The following ANKS1B variants were observed in gnomAD, a reference collection of about 807,000 sequenced individuals.
ANKS1B encodes the protein ankyrin repeat and sterile alpha motif domain containing 1B, also known as ankyrin repeat and sterile alpha motif domain-containing protein 1B.
ANKS1B carries 36 observed loss-of-function variants against 148.3 expected under a neutral mutation model. The ratio of observed to expected loss-of-function variants is 0.24; its 90% CI spans 0.19 to 0.32. The LOEUF is 0.32. Among genes scored for constraint, ANKS1B ranks in the 10% least tolerant of loss-of-function variants. The pLI is 1.00. For missense variants in ANKS1B, 1,157 were observed against 1,542.6 expected, an observed-to-expected ratio of 0.75 and a Z score of 4.19; for synonymous variants, 542 against 560.8, an observed-to-expected ratio of 0.97 and a Z score of 0.47.
chr12:99,912,926 T>C (rs2094052027), intron 1 of ANKS1B, among the ~76,000 whole-genome samples: 1 of 152,178 alleles, frequency 6.6e-6, no homozygotes, highest in South Asian at 2.1e-4. Flanking sequence ...AGAAATTAAA[T>C]TAGTTAGGCA....
At chr12:99,561,646 T>C (rs182982013) in intron 9 of ANKS1B, among the ~76,000 whole-genome samples, 92 of 152,242 alleles carry the variant, frequency 6.0e-4, no homozygotes, top group Non-Finnish European at 9.4e-4. Flanking sequence ...CAATTCCTCA[T>C]CTGTTCAAGT....
chr12:99,676,731 G>A (rs1001338458), intron 8 of ANKS1B, among the ~76,000 whole-genome samples: 22 of 152,172 alleles, frequency 1.4e-4, no homozygotes, highest in African/African-American at 4.8e-4. Flanking sequence ...TTCCAGAAAT[G>A]TTAAAATAAC....
chr12:99,958,148 CACAAGGG>C (rs1237601815), intron 1 of ANKS1B, among the ~76,000 whole-genome samples: 1 of 152,002 alleles, frequency 6.6e-6, no homozygotes, highest in African/African-American at 2.4e-5. Context: ...TCACTGAGCA[CACAAGGG>C]AAAGACGGAC....
chr12:99,482,161 T>A (rs1310905527), intron 10 of ANKS1B, among the ~76,000 whole-genome samples: 4 of 151,886 alleles, frequency 2.6e-5, no homozygotes, highest in African/African-American at 9.7e-5. Flanking sequence ...TACAGTTTCA[T>A]GTCATATATT....
intron 1 of ANKS1B, among the ~76,000 whole-genome samples, chr12:99,861,632 A>C (rs1259628062): frequency 6.6e-6 from 1 of 152,182 alleles, no homozygotes; most frequent in Non-Finnish European, 1.5e-5. Flanking sequence ...TCACAAGCCC[A>C]AAAGCTCTGA....
chr12:99,797,440 C>T (rs1486665978), intron 4 of ANKS1B, among the ~76,000 whole-genome samples: 7 of 151,832 alleles, frequency 4.6e-5, no homozygotes, highest in African/African-American at 1.7e-4. Context: ...AGGAAGTCTA[C>T]AAAGAAACAA....
chr12:98,830,775 T>C (rs1487305647), intron 18 of ANKS1B, among the ~76,000 whole-genome samples: 1 of 152,208 alleles, frequency 6.6e-6, no homozygotes. Context: ...AAAGTTCTTG[T>C]AGGACTCATG....
intron 8 of ANKS1B, 134 bp downstream of exon 8, chr12:99,772,788 G>T: frequency 1.1e-6 from 1 of 934,468 alleles, no homozygotes; most frequent in Non-Finnish European, 1.5e-6. Context: ...AGAACGTCAG[G>T]AAAAGAGCAA....
intron 14 of ANKS1B, among the ~76,000 whole-genome samples, chr12:99,225,700 G>A (rs188211053): frequency 6.6e-6 from 1 of 152,208 alleles, no homozygotes; most frequent in Admixed American, 6.5e-5. Flanking sequence ...CAGACTCCAG[G>A]TTCTTCAGCT....
chr12:99,092,093 C>T (rs1020181523), intron 15 of ANKS1B, among the ~76,000 whole-genome samples: 9 of 151,890 alleles, frequency 5.9e-5, no homozygotes, highest in African/African-American at 9.7e-5. Context: ...TGCTCCAGTC[C>T]TTTCTGTTCA....
intron 24 of ANKS1B, among the ~76,000 whole-genome samples, chr12:98,775,068 C>T (rs2098655909): frequency 6.6e-6 from 1 of 152,176 alleles, no homozygotes; most frequent in Non-Finnish European, 1.5e-5. Context: ...GTGTGGGAAC[C>T]TCTGCCATTA....
rs576051863 is a variant in ANKS1B, at chr12:98,899,895, G to A, written c.2779-67759C>T. Among the ~76,000 whole-genome samples, 3 of 152,286 alleles carry A rather than the reference G, an allele frequency of 2.0e-5. No individual in the cohort carries two copies. The South Asian group carries it at 6.2e-4, about 32-fold the overall frequency. ...TCTGATAAAAATGTCTGAGAGCTCTGAAATAGAATAGGGATAGATAGATAC... is the reference window on the plus strand; with the variant it reads ...TCTGATAAAAATGTCTGAGAGCTCTAAAATAGAATAGGGATAGATAGATAC... On this transcript the variant is annotated intron_variant, in intron 17 of 26. Transcript: ENST00000683438.
Position 99,199,295 on chromosome 12 carries a change from G to A in ANKS1B, c.2420-44900C>T, listed in dbSNP as rs550242780. On this transcript the variant is annotated intron_variant, in intron 14 of 26. Transcript: ENST00000683438. The stretch of plus-strand genomic sequence containing the variant: ...TAGTTTTAGATAACATGCAGCAATA[G>A]ATAACTAGTATTCTGCCTATAGAAT... Among the ~76,000 whole-genome samples, 59 of 152,314 alleles carry A rather than the reference G, an allele frequency of 3.9e-4. No homozygotes were observed. In the South Asian group the frequency reaches 0.011, roughly 29 times the overall value.
At chr12:99,390,230 T>C (rs915410594) in intron 12 of ANKS1B, among the ~76,000 whole-genome samples, 2 of 152,216 alleles carry the variant, frequency 1.3e-5, no homozygotes, top group Non-Finnish European at 2.9e-5. Flanking sequence ...CTTAATGTAA[T>C]AGGGATAGTA....
chr12:99,086,859 A>C (rs1233364324), intron 15 of ANKS1B, among the ~76,000 whole-genome samples: 1 of 152,202 alleles, frequency 6.6e-6, no homozygotes, highest in East Asian at 1.9e-4. Flanking sequence ...TAGAAATGAC[A>C]GAATATCCAT....
At chr12:98,863,412 A>G (rs903293669) in intron 17 of ANKS1B, among the ~76,000 whole-genome samples, 1 of 152,188 alleles carries the variant, frequency 6.6e-6, no homozygotes, top group Non-Finnish European at 1.5e-5. Context: ...GTCAGCTGCA[A>G]AGCCCAAATG....
At chr12:98,832,227 G>T in intron 17 of ANKS1B, 91 bp from the exon 18 acceptor site, 1 of 1,015,666 alleles carries the variant, frequency 9.8e-7, no homozygotes, top group South Asian at 1.6e-5. Context: ...AAAGATTTGT[G>T]CAAAGTTACT....
At chr12:99,875,413 C>G (rs1178081336) in intron 1 of ANKS1B, among the ~76,000 whole-genome samples, 1 of 150,964 alleles carries the variant, frequency 6.6e-6, no homozygotes, top group Non-Finnish European at 1.5e-5. Context: ...AAAATTGTGC[C>G]CCAAATCATT....
intron 1 of ANKS1B, among the ~76,000 whole-genome samples, chr12:99,931,294 A>G (rs2094608062): frequency 6.6e-6 from 1 of 152,144 alleles, no homozygotes; most frequent in African/African-American, 2.4e-5. Context: ...ATACATATGT[A>G]ACAAACCTGC....
Sources: gnomAD v4.1 joint callset for allele counts (sites outside exome capture counted in the v4.1 genomes callset) on GRCh38, gnomAD v4.1.1 for gene constraint, MANE v1.5 for transcripts, NCBI Gene and HGNC (gene_info 2026-07-23, HGNC 2026-07-21) for gene names.